Variants in TSC22D1 observed in about 807,000 individuals in gnomAD.
TSC22D1 encodes the protein TSC22 domain family member 1, also known as TSC22 domain family protein 1.
A neutral mutation model predicts 74.2 loss-of-function variants in TSC22D1; 9 were observed. The ratio of observed to expected loss-of-function variants is 0.12; its 90% CI spans 0.07 to 0.21. The LOEUF is 0.21. TSC22D1 is among the 10% of genes least tolerant of loss of function. The probability of loss-of-function intolerance (pLI) is 1.00; values close to 1 mark genes in which losing one functional copy is unlikely to be tolerated. For synonymous variants in TSC22D1, 586 were observed against 492.5 expected, an observed-to-expected ratio of 1.19 and a Z score of -2.51; for missense variants, 1,427 against 1,304.7, an observed-to-expected ratio of 1.09 and a Z score of -1.44.
chr13:44,521,728 A>C (rs1880328979), intron 1 of TSC22D1, among the ~76,000 whole-genome samples: 1 of 151,884 alleles, frequency 6.6e-6, no homozygotes, highest in Non-Finnish European at 1.5e-5. Context: ...TCATAAATTG[A>C]CAGCTATAAA....
chr13:44,559,324 C>T (rs1196811421), intron 1 of TSC22D1, among the ~76,000 whole-genome samples: 2 of 152,152 alleles, frequency 1.3e-5, no homozygotes, highest in African/African-American at 2.4e-5. Context: ...CAACCTTAAC[C>T]AAAAATAAAG....
At chr13:44,437,793 T>TATGTA (rs1446086558) in intron 1 of TSC22D1, among the ~76,000 whole-genome samples, 7 of 152,294 alleles carry the variant, frequency 4.6e-5, no homozygotes, top group African/African-American at 1.4e-4. Context: ...TATTATAAAG[T>TATGTA]ATGTATTCAA....
chr13:44,568,125 T>C (rs1031690339), intron 1 of TSC22D1, among the ~76,000 whole-genome samples: 9 of 152,212 alleles, frequency 5.9e-5, no homozygotes, highest in African/African-American at 1.9e-4. Context: ...TGGTATTCTT[T>C]ACCTAAGAAA....
At chr13:44,545,209 C>A (rs981289761) in intron 1 of TSC22D1, among the ~76,000 whole-genome samples, 1 of 152,042 alleles carries the variant, frequency 6.6e-6, no homozygotes, top group African/African-American at 2.4e-5. Context: ...GTGGCACACG[C>A]CTGTAGTCCC....
At chr13:44,570,998 GT>G (rs1883726635) in intron 1 of TSC22D1, among the ~76,000 whole-genome samples, 1 of 152,108 alleles carries the variant, frequency 6.6e-6, no homozygotes, top group Non-Finnish European at 1.5e-5. Flanking sequence ...CTTACAAGGT[GT>G]TTTAGGGCTA....
intron 1 of TSC22D1, among the ~76,000 whole-genome samples, chr13:44,543,989 A>G (rs1881646279): frequency 1.3e-5 from 2 of 152,154 alleles, no homozygotes; most frequent in Admixed American, 1.3e-4. Context: ...CCTACTCGGG[A>G]GGCTGAAGGA....
intron 1 of TSC22D1, among the ~76,000 whole-genome samples, chr13:44,512,321 C>T (rs1425486031): frequency 6.6e-6 from 1 of 152,002 alleles, no homozygotes; most frequent in African/African-American, 2.4e-5. Context: ...AGGCGCCCAT[C>T]ACCGCGCCCG....
chr13:44,434,904 G>A (rs373759863), intron 2 of TSC22D1, 21 bp from the exon 3 acceptor site: 13 of 1,589,184 alleles, frequency 8.2e-6, no homozygotes, highest in Non-Finnish European at 1.1e-5. Flanking sequence ...GACAGAAAAG[G>A]TTTAACTCAT....
chr13:44,548,338 G>A (rs1271609502), intron 1 of TSC22D1, among the ~76,000 whole-genome samples: 7 of 152,196 alleles, frequency 4.6e-5, no homozygotes, highest in Admixed American at 2.6e-4. Context: ...CCAACATGGC[G>A]AAACCCCGTC....
At chr13:44,541,449 A>G (rs1881461916) in intron 1 of TSC22D1, among the ~76,000 whole-genome samples, 1 of 152,174 alleles carries the variant, frequency 6.6e-6, no homozygotes, top group African/African-American at 2.4e-5. Context: ...AATATTAAAG[A>G]AAAGAAAAAA....
At chr13:44,545,669 GA>G (rs1566165456) in intron 1 of TSC22D1, among the ~76,000 whole-genome samples, 1 of 151,342 alleles carries the variant, frequency 6.6e-6, no homozygotes, top group Non-Finnish European at 1.5e-5. Flanking sequence ...AGTGCACTTA[GA>G]AAACTCAGAA....
rs190184471 is a variant in TSC22D1 at position 44,544,000 on chromosome 13, G to A, written c.2912+29163C>T. 3.3e-3 allele frequency among the ~76,000 whole-genome samples: 497 copies of A among 152,290 alleles called. 1 individual carries two copies. Among genetic ancestry groups the A allele is most frequent in the Middle Eastern group, 0.02 (6 of 294 alleles). On this transcript the variant is annotated intron_variant, in intron 1 of 2. Coordinates refer to ENST00000458659, the MANE Select transcript of TSC22D1 (RefSeq NM_183422.4). The stretch of plus-strand genomic sequence containing the variant: ...CCCACCTACTCGGGAGGCTGAAGGA[G>A]GAGAACCGCCTGAGCCTGGGAGGCA...
rs1002956330 is a variant in TSC22D1, at chr13:44,495,651, T to TA, written c.2913-59557dup. On this transcript the variant is annotated intron_variant, in intron 1 of 2. Coordinates refer to ENST00000458659, the MANE Select transcript of TSC22D1 (RefSeq NM_183422.4). ...AAAGAAGTAATTTGTAGCAACAACATAAAAAAAAACAGGCCAGTGGAATAA... is the reference window on the plus strand; with the variant it reads ...AAAGAAGTAATTTGTAGCAACAACATAAAAAAAAAACAGGCCAGTGGAATAA... Among the ~76,000 whole-genome samples the TA allele has an allele frequency of 1.2e-3, 187 of 150,286 alleles. 2 individuals are homozygous for TA. Among genetic ancestry groups the TA allele is most frequent in the African/African-American group, 4.1e-3 (167 of 41,006 alleles).
chr13:44,552,988 A>AAAAC (rs199965859), intron 1 of TSC22D1, among the ~76,000 whole-genome samples: 2,686 of 151,842 alleles, frequency 0.018, 57 homozygotes, highest in African/African-American at 0.057. Flanking sequence ...ACTCCATCTC[A>AAAAC]AAACAAACAA....
At chr13:44,479,512 T>C (rs959024974) in intron 1 of TSC22D1, among the ~76,000 whole-genome samples, 4 of 152,176 alleles carry the variant, frequency 2.6e-5, no homozygotes, top group Admixed American at 6.5e-5. Flanking sequence ...TAAGATCTTG[T>C]TAGAAAATTA....
chr13:44,517,113 T>C (rs1351477463), intron 1 of TSC22D1, among the ~76,000 whole-genome samples: 1 of 152,220 alleles, frequency 6.6e-6, no homozygotes, highest in Non-Finnish European at 1.5e-5. Flanking sequence ...TACACATGTA[T>C]ACCTGTATAT....
intron 1 of TSC22D1, among the ~76,000 whole-genome samples, chr13:44,540,405 C>G (rs1383292174): frequency 6.6e-6 from 1 of 152,154 alleles, no homozygotes; most frequent in Non-Finnish European, 1.5e-5. Flanking sequence ...TGAATTTCTT[C>G]TCTGAGTTCA....
intron 1 of TSC22D1, among the ~76,000 whole-genome samples, chr13:44,545,990 A>C (rs1276743513): frequency 2.0e-5 from 3 of 152,032 alleles, no homozygotes; most frequent in Non-Finnish European, 4.4e-5. Flanking sequence ...AAAAAAAATA[A>C]ATAAATAAAA....
At chr13:44,461,855 G>A (rs561714033) in intron 1 of TSC22D1, among the ~76,000 whole-genome samples, 118 of 152,274 alleles carry the variant, frequency 7.7e-4, no homozygotes, top group Non-Finnish European at 1.5e-3. Flanking sequence ...GCAAACCAGC[G>A]AAATATCAAC....
Sources: gnomAD v4.1 joint callset for allele counts (sites outside exome capture counted in the v4.1 genomes callset) on GRCh38, gnomAD v4.1.1 for gene constraint, MANE v1.5 for transcripts, NCBI Gene and HGNC (gene_info 2026-07-23, HGNC 2026-07-21) for gene names.